The following CHRM3 variants were observed in gnomAD, a reference collection of about 807,000 sequenced individuals.
CHRM3 encodes muscarinic acetylcholine receptor M3.
In CHRM3, 11 loss-of-function variants were observed where a neutral mutation model predicts 41.8. That is an observed-to-expected ratio of 0.26 (90% confidence interval 0.17 to 0.44). CHRM3 has a LOEUF of 0.44. CHRM3 is among the 20% of genes least tolerant of loss of function. CHRM3 has a pLI of 1.00. For synonymous variants in CHRM3, 297 were observed against 301.4 expected (o/e 0.99, Z 0.15); for missense variants, 571 against 745.4 (o/e 0.77, Z 2.72).
At chr1:239,770,106 CACTG>C (rs901603929) in intron 5 of CHRM3, among the ~76,000 whole-genome samples, 31 of 152,244 alleles carry the variant, frequency 2.0e-4, no homozygotes, top group African/African-American at 7.5e-4. Context: ...ATACGTTGAA[CACTG>C]ACTGTGGAAA....
chr1:239,884,103 T>C (rs1047522783), intron 6 of CHRM3, among the ~76,000 whole-genome samples: 6 of 152,220 alleles, frequency 3.9e-5, no homozygotes, highest in Non-Finnish European at 7.3e-5. Flanking sequence ...GGTTGAATGA[T>C]GGTCACCCAA....
At chr1:239,683,769 C>T in intron 5 of CHRM3, among the ~76,000 whole-genome samples, 1 of 152,084 alleles carries the variant, frequency 6.6e-6, no homozygotes, top group East Asian at 1.9e-4. Context: ...AGTAAACTTT[C>T]TAAGAAGCAT....
chr1:239,569,573 G>A (rs547342760), intron 3 of CHRM3, among the ~76,000 whole-genome samples: 1 of 152,108 alleles, frequency 6.6e-6, no homozygotes, highest in Non-Finnish European at 1.5e-5. Context: ...ATATCTTTTG[G>A]AGTTTAAGAT....
At chr1:239,679,009 A>ATAGG (rs1320519725) in intron 5 of CHRM3, among the ~76,000 whole-genome samples, 2 of 143,734 alleles carry the variant, frequency 1.4e-5, no homozygotes, top group African/African-American at 5.2e-5. Flanking sequence ...AGTATGTAAC[A>ATAGG]TAGATAGGTA....
At chr1:239,623,588 G>A (rs79323844) in intron 3 of CHRM3, among the ~76,000 whole-genome samples, 15,021 of 80,142 alleles carry the variant, frequency 0.19, 1,614 homozygotes, top group Non-Finnish European at 0.21. Flanking sequence ...ATGCTGGTGC[G>A]CTGCACCCAC....
rs1680236746 is a variant in CHRM3, at chr1:239,909,471, T to C, written c.*247T>C. 2 of 398,402 alleles carry C rather than the reference T, an allele frequency of 5.0e-6. No individual in the cohort carries two copies. The highest frequency in any genetic ancestry group is 9.2e-6 in the Non-Finnish European group (2 of 216,838). 24.7% of individuals were successfully genotyped at this position (398,402 alleles called of 1,614,324 possible). On this transcript the variant is annotated 3_prime_UTR_variant, in exon 7 of 7. Coordinates refer to ENST00000676153, the MANE Select transcript of CHRM3 (RefSeq NM_001375978.1). ...TAAAGAAATTTATTCTGAAATAGAC[T>C]TTACGTGTTTTTTTCTTAAAGAGGA...
chr1:239,588,760 A>T lies in CHRM3; in HGVS notation c.-313+43011A>T, dbSNP rs552105607. Among the ~76,000 whole-genome samples the T allele has an allele frequency of 9.8e-5, 15 of 152,298 alleles. No homozygotes were observed. In the East Asian group the frequency reaches 2.7e-3, roughly 28 times the overall value. ...ACTTGTGTTTCTGTGGAGTGCTACC[A>T]TCTACAAAATTTGCATAGACTTTGA... On this transcript the variant is annotated intron_variant, in intron 3 of 6. Transcript: ENST00000676153.
At chr1:239,805,086 C>T (rs889857569) in intron 5 of CHRM3, among the ~76,000 whole-genome samples, 9 of 152,154 alleles carry the variant, frequency 5.9e-5, no homozygotes, top group African/African-American at 2.2e-4. Context: ...GTAATAGTTA[C>T]CCTGTGTTGA....
intron 3 of CHRM3, among the ~76,000 whole-genome samples, chr1:239,571,518 T>A (rs1405780371): frequency 6.6e-6 from 1 of 152,092 alleles, no homozygotes; most frequent in Non-Finnish European, 1.5e-5. Flanking sequence ...CCCTTATACC[T>A]CTGGGACCCA....
At chr1:239,693,028 A>C (rs553578273) in intron 5 of CHRM3, among the ~76,000 whole-genome samples, 10 of 152,318 alleles carry the variant, frequency 6.6e-5, no homozygotes, top group African/African-American at 2.4e-4. Flanking sequence ...AGGAGTAAGA[A>C]ACCAGATCAC....
chr1:239,557,718 T>A (rs1026893449), intron 3 of CHRM3, among the ~76,000 whole-genome samples: 1 of 152,158 alleles, frequency 6.6e-6, no homozygotes, highest in Non-Finnish European at 1.5e-5. Context: ...CTCCCACTTA[T>A]AAGTGAGAAC....
chr1:239,813,307 G>T (rs918330800), intron 5 of CHRM3, among the ~76,000 whole-genome samples: 1 of 151,952 alleles, frequency 6.6e-6, no homozygotes, highest in Non-Finnish European at 1.5e-5. Flanking sequence ...TTTAGTAAAA[G>T]GTACTTACTG....
At chr1:239,766,672 TATATAGATATAG>T (rs71166890) in intron 5 of CHRM3, among the ~76,000 whole-genome samples, 75,085 of 145,470 alleles carry the variant, frequency 0.52, 23,338 homozygotes, top group Non-Finnish European at 0.7. Context: ...TGGATATAGA[TATATAGATATAG>T]ATATAGATAT....
At chr1:239,674,939 T>C (rs985314923) in intron 4 of CHRM3, among the ~76,000 whole-genome samples, 1 of 152,256 alleles carries the variant, frequency 6.6e-6, no homozygotes, top group African/African-American at 2.4e-5. Context: ...TTATTACTCC[T>C]CCTCGCTGTC....
At chr1:239,610,444 T>A (rs1007433949) in intron 3 of CHRM3, among the ~76,000 whole-genome samples, 1 of 152,166 alleles carries the variant, frequency 6.6e-6, no homozygotes, top group Non-Finnish European at 1.5e-5. Flanking sequence ...TACATTACTG[T>A]CCCATTTCTC....
chr1:239,749,880 C>A (rs1324343058), intron 5 of CHRM3, among the ~76,000 whole-genome samples: 2 of 152,070 alleles, frequency 1.3e-5, no homozygotes, highest in Non-Finnish European at 2.9e-5. Context: ...AGTTTCCTGG[C>A]CAAATGGTGA....
intron 3 of CHRM3, among the ~76,000 whole-genome samples, chr1:239,620,806 C>G (rs1668276260): frequency 6.6e-6 from 1 of 151,894 alleles, no homozygotes; most frequent in African/African-American, 2.4e-5. Flanking sequence ...CTCTCTCTTA[C>G]AAAGAGAGAG....
chr1:239,900,862 G>A (rs147504056), intron 6 of CHRM3, among the ~76,000 whole-genome samples: 10 of 152,270 alleles, frequency 6.6e-5, no homozygotes, highest in East Asian at 3.9e-4. Context: ...GTATTCAGGC[G>A]AGCAAGATCA....
At chr1:239,426,565 A>C (rs771890827) in intron 1 of CHRM3, among the ~76,000 whole-genome samples, 2 of 152,034 alleles carry the variant, frequency 1.3e-5, no homozygotes, top group Non-Finnish European at 2.9e-5. Context: ...GTGTGTGAGC[A>C]TATGTGTGTG....
Sources: gnomAD v4.1 joint callset for allele counts (sites outside exome capture counted in the v4.1 genomes callset) on GRCh38, gnomAD v4.1.1 for gene constraint, MANE v1.5 for transcripts, NCBI Gene and HGNC (gene_info 2026-07-23, HGNC 2026-07-21) for gene names.